CEP63: variants seen among roughly 807,000 people sequenced by gnomAD.
The protein encoded by CEP63 is centrosomal protein of 63 kDa.
In CEP63, 84 loss-of-function variants were observed where a neutral mutation model predicts 89.1. The observed-to-expected ratio is 0.94, with a 90% CI of 0.79 to 1.13. The LOEUF (loss-of-function observed/expected upper bound fraction) is 1.13. Among genes scored for constraint, CEP63 ranks in the 50% most tolerant of loss-of-function variants. The pLI is 0.00. For synonymous variants in CEP63, 267 were observed against 272.5 expected (o/e 0.98, Z 0.20); for missense variants, 838 against 813.3 (o/e 1.03, Z -0.37).
chr3:134,757,381 A>T, the CEP63 span, among the ~76,000 whole-genome samples: 1 of 152,178 alleles, frequency 6.6e-6, no homozygotes, highest in African/African-American at 2.4e-5. Context: ...CAGACAAGCA[A>T]AATGAGTTAC....
chr3:134,652,351 A>T, the CEP63 span, among the ~76,000 whole-genome samples: 2 of 152,178 alleles, frequency 1.3e-5, no homozygotes, highest in Non-Finnish European at 2.9e-5. Context: ...GAGATGTCAC[A>T]GCCACACTCT....
chr3:134,564,533 C>G lies in CEP63; in HGVS notation c.*2998C>G. On this transcript the variant is annotated 3_prime_UTR_variant, in exon 15 of 15. Coordinates refer to ENST00000675561, the MANE Select transcript of CEP63 (RefSeq NM_001353108.3). Reference sequence around the variant, plus strand: ...AAGTCCTGCCTACATCCTCAGTCAGCATGCTGCCTAACACATAACAGATCC... The same window carrying G: ...AAGTCCTGCCTACATCCTCAGTCAGGATGCTGCCTAACACATAACAGATCC... 1 of 985,452 alleles carries G rather than the reference C, an allele frequency of 1.0e-6. No homozygotes were observed. The highest frequency in any genetic ancestry group is 1.2e-6 in the Non-Finnish European group (1 of 829,944). 61.0% of individuals were successfully genotyped at this position (985,452 alleles called of 1,614,324 possible).
intron 2 of CEP63, among the ~76,000 whole-genome samples, chr3:134,497,588 T>G (rs1157788900): frequency 6.6e-6 from 1 of 152,172 alleles, no homozygotes; most frequent in African/African-American, 2.4e-5. Context: ...CAAGCAGTTC[T>G]TGAACTCCTG....
rs140575474 is a variant in CEP63, at chr3:134,511,568, CAG to C, written c.222+4283_222+4284del. Among the ~76,000 whole-genome samples, 612 of 152,260 alleles carry C rather than the reference CAG, an allele frequency of 4.0e-3. 1 individual carries two copies. Among genetic ancestry groups the C allele is most frequent in the Admixed American group, 7.1e-3 (108 of 15,286 alleles). On this transcript the variant is annotated intron_variant, in intron 3 of 14. Coordinates refer to ENST00000675561, the MANE Select transcript of CEP63 (RefSeq NM_001353108.3). The stretch of plus-strand genomic sequence containing the variant: ...CATTGCAATAAGGAACTACCTGAGA[CAG>C]GGTAAGCTATGCAGAAAAGAGGTTT...
intron 2 of CEP63, among the ~76,000 whole-genome samples, chr3:134,504,172 C>G (rs1942868970): frequency 6.6e-6 from 1 of 151,506 alleles, no homozygotes; most frequent in African/African-American, 2.4e-5. Context: ...TGTTTCTCCT[C>G]CACGAGTGAG....
chr3:134,722,448 T>C, the CEP63 span, among the ~76,000 whole-genome samples: 1 of 152,192 alleles, frequency 6.6e-6, no homozygotes, highest in Non-Finnish European at 1.5e-5. Flanking sequence ...TCCCTTTTTT[T>C]CTTGATCAGT....
upstream of CEP63, chr3:134,485,953 G>A (rs1409057206): frequency 2.0e-6 from 2 of 982,146 alleles, no homozygotes; most frequent in South Asian, 4.7e-5. Context: ...AACCCTTACC[G>A]GCACCCGGCC....
the CEP63 span, among the ~76,000 whole-genome samples, chr3:134,617,993 G>A: frequency 6.6e-6 from 1 of 152,118 alleles, no homozygotes; most frequent in African/African-American, 2.4e-5. Flanking sequence ...CAGGAGGTAT[G>A]CTTGGGTCTG....
intron 9 of CEP63, 78 bp from the exon 10 acceptor site, chr3:134,548,984 A>G: frequency 1.2e-6 from 1 of 842,608 alleles, no homozygotes; most frequent in Non-Finnish European, 2.1e-6. Context: ...TTGGATATCA[A>G]GAATGTAAAT....
At chr3:134,738,277 CA>C in the CEP63 span, among the ~76,000 whole-genome samples, 3 of 151,578 alleles carry the variant, frequency 2.0e-5, no homozygotes, top group East Asian at 3.9e-4. Flanking sequence ...CACACACACA[CA>C]CACACACACA....
At chr3:134,684,490 C>T in the CEP63 span, among the ~76,000 whole-genome samples, 2 of 152,246 alleles carry the variant, frequency 1.3e-5, no homozygotes, top group Non-Finnish European at 2.9e-5. Flanking sequence ...TCATTCAATT[C>T]ATCTATGGAC....
At chr3:134,754,630 G>A in the CEP63 span, among the ~76,000 whole-genome samples, 1 of 152,254 alleles carries the variant, frequency 6.6e-6, no homozygotes, top group South Asian at 2.1e-4. Context: ...GTGGGTGTCC[G>A]AGGGACACTC....
rs533497460 is a variant in CEP63 at position 134,564,539 on chromosome 3, G to C, written c.*3004G>C. The stretch of plus-strand genomic sequence containing the variant: ...TGCCTACATCCTCAGTCAGCATGCT[G>C]CCTAACACATAACAGATCCTAAGCA... On this transcript the variant is annotated 3_prime_UTR_variant, in exon 15 of 15. Coordinates refer to ENST00000675561, the MANE Select transcript of CEP63 (RefSeq NM_001353108.3). 6.0e-5 allele frequency: 59 copies of C among 985,426 alleles called. No homozygotes were observed. The African/African-American group carries it at 1.0e-3, about 17-fold the overall frequency. 61.0% of individuals were successfully genotyped at this position (985,426 alleles called of 1,614,324 possible).
chr3:134,552,745 C>T (rs1007917325), intron 12 of CEP63: 1 of 151,842 alleles, frequency 6.6e-6, no homozygotes, highest in Admixed American at 6.6e-5. Flanking sequence ...TTTATTTCTA[C>T]AAGATATTCA....
the CEP63 span, chr3:134,650,983 G>C: frequency 1.2e-6 from 2 of 1,612,642 alleles, no homozygotes; most frequent in Non-Finnish European, 1.7e-6. Flanking sequence ...TTTCCGACCT[G>C]GGCGCCGCGG....
At chr3:134,494,870 A>G (rs908268339) in intron 1 of CEP63, among the ~76,000 whole-genome samples, 3 of 152,146 alleles carry the variant, frequency 2.0e-5, no homozygotes, top group Non-Finnish European at 4.4e-5. Flanking sequence ...ATCTCAGTAC[A>G]CTTCGCATTT....
intron 2 of CEP63, among the ~76,000 whole-genome samples, chr3:134,500,771 T>C (rs1032224137): frequency 1.3e-5 from 2 of 152,224 alleles, no homozygotes; most frequent in African/African-American, 4.8e-5. Flanking sequence ...ATACGTTCTC[T>C]CATTCTGTAA....
At chr3:134,581,906 A>G (rs1958363836) in intron 10 of CEP63, among the ~76,000 whole-genome samples, 1 of 151,508 alleles carries the variant, frequency 6.6e-6, no homozygotes, top group Admixed American at 6.6e-5. Flanking sequence ...CGATCTCCTG[A>G]CCTCGTGATC....
At chr3:134,651,823 C>T in the CEP63 span, among the ~76,000 whole-genome samples, 1 of 152,182 alleles carries the variant, frequency 6.6e-6, no homozygotes, top group African/African-American at 2.4e-5. Flanking sequence ...TTTAGCCCGG[C>T]CTGGCCTGCC....
Sources: gnomAD v4.1 joint callset for allele counts (sites outside exome capture counted in the v4.1 genomes callset) on GRCh38, gnomAD v4.1.1 for gene constraint, MANE v1.5 for transcripts, NCBI Gene and HGNC (gene_info 2026-07-23, HGNC 2026-07-21) for gene names.